SHISA9: variants seen among roughly 807,000 people sequenced by gnomAD.
SHISA9 encodes the protein protein shisa-9.
Under a neutral mutation model 38.0 loss-of-function variants are expected in SHISA9, and 13 were observed. That is an observed-to-expected ratio of 0.34 (90% CI 0.22 to 0.54). The LOEUF is 0.54. SHISA9 is among the 20% of genes least tolerant of loss of function. The pLI, the probability that SHISA9 is intolerant of heterozygous loss-of-function variation, is 0.91. For synonymous variants in SHISA9, 275 were observed against 242.0 expected (o/e 1.14, Z -1.27); for missense variants, 538 against 575.8 (o/e 0.93, Z 0.67).
intron 2 of SHISA9, among the ~76,000 whole-genome samples, chr16:13,057,751 A>G (rs1375575625): frequency 1.3e-5 from 2 of 152,148 alleles, no homozygotes; most frequent in East Asian, 3.9e-4. Context: ...CTATCAACCC[A>G]TTACCTAGGT....
At chr16:13,473,354 T>C in the SHISA9 span, among the ~76,000 whole-genome samples, 6 of 144,206 alleles carry the variant, frequency 4.2e-5, no homozygotes, top group African/African-American at 1.5e-4. Context: ...TCTTTCTTTT[T>C]TTTTTTTTTT....
the SHISA9 span, among the ~76,000 whole-genome samples, chr16:13,255,171 T>C: frequency 6.6e-6 from 1 of 152,180 alleles, no homozygotes; most frequent in African/African-American, 2.4e-5. Context: ...ATGGTTCTAC[T>C]TTGACTATAT....
At chr16:13,041,216 C>G (rs1376140213) in intron 2 of SHISA9, among the ~76,000 whole-genome samples, 1 of 152,192 alleles carries the variant, frequency 6.6e-6, no homozygotes, top group East Asian at 1.9e-4. Flanking sequence ...CAGGCCCCCA[C>G]AAATAAATTT....
At chr16:13,365,574 A>G in the SHISA9 span, among the ~76,000 whole-genome samples, 7 of 149,502 alleles carry the variant, frequency 4.7e-5, no homozygotes, top group African/African-American at 1.7e-4. Flanking sequence ...CTCCTGCCTC[A>G]GCCTTCTGAG....
At chr16:13,444,982 CTATATATATATATATATA>C in the SHISA9 span, among the ~76,000 whole-genome samples, 313 of 106,308 alleles carry the variant, frequency 2.9e-3, 2 homozygotes, top group Middle Eastern at 0.015. Context: ...CCATGCCTAG[CTATATATATATATATATA>C]TATATATATA....
chr16:13,053,622 G>GT (rs1378377724), intron 2 of SHISA9, among the ~76,000 whole-genome samples: 3 of 151,286 alleles, frequency 2.0e-5, no homozygotes, highest in African/African-American at 7.4e-5. Flanking sequence ...CTGATTCCCT[G>GT]TTGCTTTCTT....
chr16:13,497,657 C>T, the SHISA9 span, among the ~76,000 whole-genome samples: 1 of 146,684 alleles, frequency 6.8e-6, no homozygotes, highest in African/African-American at 2.5e-5. Context: ...TGCACTCCAG[C>T]CTGGGTAACA....
At chr16:13,120,120 G>A (rs530763151) in intron 2 of SHISA9, among the ~76,000 whole-genome samples, 12 of 152,318 alleles carry the variant, frequency 7.9e-5, no homozygotes, top group Non-Finnish European at 1.2e-4. Flanking sequence ...GGACAGATAG[G>A]TGTCTGCAAG....
chr16:13,211,430 A>C (rs1175982601), intron 3 of SHISA9, among the ~76,000 whole-genome samples: 1 of 152,212 alleles, frequency 6.6e-6, no homozygotes, highest in Non-Finnish European at 1.5e-5. Flanking sequence ...ACAGTTCATA[A>C]TTTTACAATA....
intron 2 of SHISA9, among the ~76,000 whole-genome samples, chr16:13,064,752 C>T (rs1596621988): frequency 7.6e-6 from 1 of 131,922 alleles, no homozygotes; most frequent in South Asian, 2.5e-4. Context: ...TTACCTTTAT[C>T]ATTTTTAAAC....
At chr16:13,453,553 A>G in the SHISA9 span, among the ~76,000 whole-genome samples, 1 of 152,172 alleles carries the variant, frequency 6.6e-6, no homozygotes, top group African/African-American at 2.4e-5. Context: ...ACATGGAACA[A>G]AGCCAAATTG....
intron 2 of SHISA9, among the ~76,000 whole-genome samples, chr16:13,052,516 A>G (rs961480136): frequency 6.6e-6 from 1 of 152,206 alleles, no homozygotes; most frequent in Non-Finnish European, 1.5e-5. Flanking sequence ...ATGAATCTCA[A>G]AAACTAAAGG....
chr16:13,289,551 C>A, the SHISA9 span, among the ~76,000 whole-genome samples: 19 of 150,608 alleles, frequency 1.3e-4, no homozygotes, highest in Admixed American at 2.0e-4. Context: ...CAAAAAAAAA[C>A]CCCAAGAGGA....
Position 12,902,540 on chromosome 16 carries a change from G to C in SHISA9, c.476G>C (p.Gly159Ala), listed in dbSNP as rs982423231. 6.4e-7 allele frequency: 1 copy of C among 1,551,260 alleles called. No individual in the cohort carries two copies. Among genetic ancestry groups the C allele is most frequent in the Non-Finnish European group, 8.7e-7 (1 of 1,147,006 alleles). The change falls in exon 1 of 5, where the codon GGG becomes GCG. Residue 159 changes from glycine (G) to alanine (A), a missense_variant. This residue lies in a region of SHISA9 where 88 missense variants were observed against 109.7 expected (regional missense o/e 0.80). Coordinates refer to ENST00000558583, the MANE Select transcript of SHISA9 (RefSeq NM_001145204.3). ...KTNLIVYIIC[G>A]VVAVMVLVGI... ...AACCTGATCGTCTACATCATCTGCGGGGTGGTGGCCGTCATGGTGCTCGTG... is the reference window on the plus strand; with the variant it reads ...AACCTGATCGTCTACATCATCTGCGCGGTGGTGGCCGTCATGGTGCTCGTG...
At position 13,049,683 on chromosome 16, in the gene SHISA9, A is replaced by C. The variant is rs915548513; in HGVS notation, c.691+132868A>C. Among the ~76,000 whole-genome samples, 8 of 152,204 alleles carry C rather than the reference A, an allele frequency of 5.3e-5. No individual in the cohort carries two copies. The South Asian group carries it at 1.7e-3, about 32-fold the overall frequency. On this transcript the variant is annotated intron_variant, in intron 2 of 4. Transcript: ENST00000558583. ...AAAGGGGAAAATTAGACAAAGGAAA[A>C]ATTCCAAAAGGATAATGAGTCCTCA...
At chr16:13,342,492 G>C in the SHISA9 span, among the ~76,000 whole-genome samples, 1 of 152,098 alleles carries the variant, frequency 6.6e-6, no homozygotes, top group Non-Finnish European at 1.5e-5. Flanking sequence ...CACCATGTTG[G>C]TCAGACTGGT....
intron 2 of SHISA9, among the ~76,000 whole-genome samples, chr16:13,084,008 A>C (rs1009340359): frequency 6.6e-6 from 1 of 152,306 alleles, no homozygotes; most frequent in South Asian, 2.1e-4. Context: ...AACTTGCCCA[A>C]GGTCAAACTG....
chr16:13,245,457 C>G, the SHISA9 span, among the ~76,000 whole-genome samples: 2 of 152,250 alleles, frequency 1.3e-5, no homozygotes, highest in African/African-American at 4.8e-5. Flanking sequence ...GTATCTCTAT[C>G]ATTGGCTGTT....
chr16:13,018,210 AGG>A (rs2072780611), intron 2 of SHISA9, among the ~76,000 whole-genome samples: 1 of 152,182 alleles, frequency 6.6e-6, no homozygotes, highest in Admixed American at 6.5e-5. Flanking sequence ...CACAGTGGGT[AGG>A]GTTTATTCGG....
Sources: allele counts gnomAD v4.1 joint callset (sites outside exome capture counted in the v4.1 genomes callset), GRCh38; gene constraint gnomAD v4.1.1; regional missense constraint gnomAD v4.1.1; transcripts MANE v1.5; gene names NCBI Gene and HGNC (gene_info 2026-07-23, HGNC 2026-07-21).